The following MAP3K19 variants were observed in gnomAD, a reference collection of about 807,000 sequenced individuals.
The protein encoded by MAP3K19 is mitogen-activated protein kinase kinase kinase 19, also known as SPS1/STE20-related protein kinase YSK4.
In MAP3K19, 91 loss-of-function variants were observed where a neutral mutation model predicts 114.4. The observed-to-expected ratio is 0.80, with a 90% CI of 0.67 to 0.95. MAP3K19 has a LOEUF of 0.95. Ranked by LOEUF, MAP3K19 falls within the 40% of genes least tolerant of loss-of-function variation. MAP3K19 has a pLI of 0.00. For missense variants in MAP3K19, 1,471 were observed against 1,573.2 expected (o/e 0.94, Z 1.10); for synonymous variants, 518 against 530.5 (o/e 0.98, Z 0.32).
intron 12 of MAP3K19, among the ~76,000 whole-genome samples, chr2:134,979,906 A>T (rs552260234): frequency 7.2e-5 from 11 of 152,324 alleles, no homozygotes; most frequent in African/African-American, 2.6e-4. Context: ...TCTAAGATTT[A>T]TTCAGAAAGG....
At chr2:134,990,787 TTAA>T (rs1287118354) in intron 9 of MAP3K19, among the ~76,000 whole-genome samples, 3 of 152,206 alleles carry the variant, frequency 2.0e-5, no homozygotes, top group African/African-American at 7.2e-5. Context: ...TATGATTTTC[TTAA>T]TAACATTTTA....
intron 3 of MAP3K19, among the ~76,000 whole-genome samples, chr2:135,026,423 T>C (rs1259803397): frequency 6.6e-6 from 1 of 152,176 alleles, no homozygotes; most frequent in Non-Finnish European, 1.5e-5. Context: ...AAAATTCCCT[T>C]TTCATTCCAT....
Position 135,024,659 on chromosome 2 carries a change from A to G in MAP3K19, c.-12T>C. On this transcript the variant is annotated 5_prime_UTR_variant, in exon 4 of 13. Transcript: ENST00000392915. ...GGCATAGAACTCATTAAAATGTCCA[A>G]AAGCTGCTGTTTCTTTGAACTCTCT... is the stretch of plus-strand genomic sequence containing the variant. 1 of 1,612,996 alleles carries G rather than the reference A, an allele frequency of 6.2e-7. No homozygotes were observed. Among genetic ancestry groups the G allele is most frequent in the Non-Finnish European group, 8.5e-7 (1 of 1,179,138 alleles).
intron 4 of MAP3K19, among the ~76,000 whole-genome samples, chr2:135,023,899 A>G (rs1463683122): frequency 7.6e-6 from 1 of 131,944 alleles, no homozygotes; most frequent in African/African-American, 3.5e-5. Context: ...TGTTTTATTG[A>G]AAAAAAAAAG....
Position 134,999,005 on chromosome 2 carries a change from G to A in MAP3K19, c.315-8C>T, listed in dbSNP as rs917540804. ...AGCGATGAGTTTATCAGACTAAAGG[G>A]GGAGGGAAATGTTTGATTTAAAACT... is the stretch of plus-strand genomic sequence containing the variant. On this transcript the variant is annotated splice_region_variant and splice_polypyrimidine_tract_variant and intron_variant, in intron 7 of 12. Coordinates refer to ENST00000392915, the MANE Select transcript of MAP3K19 (RefSeq NM_025052.5). This position sits in a 1 kb window ranked among gnomAD's most constrained non-coding sequence, Gnocchi z 4.1. 1 of 1,604,908 alleles carries A rather than the reference G, an allele frequency of 6.2e-7. No individual in the cohort carries two copies. The highest frequency in any genetic ancestry group is 1.1e-5 in the South Asian group (1 of 89,366).
chr2:135,004,529 G>A lies in MAP3K19; in HGVS notation c.235+906C>T, dbSNP rs1056165788. Among the ~76,000 whole-genome samples, 6 of 152,284 alleles carry A rather than the reference G, an allele frequency of 3.9e-5. No homozygotes were observed. In the South Asian group the frequency reaches 8.3e-4, roughly 21 times the overall value. On this transcript the variant is annotated intron_variant, in intron 6 of 12. Transcript: ENST00000392915. ...GATGAGAAACACGGGCATCAAAGAG[G>A]GCGGCTTCCCTGGAGTGCTAGAAAT...
intron 10 of MAP3K19, among the ~76,000 whole-genome samples, chr2:134,985,456 A>G (rs1047484572): frequency 3.9e-5 from 6 of 152,330 alleles, no homozygotes; most frequent in Non-Finnish European, 7.3e-5. Context: ...GCCTATAATT[A>G]TGTATCTGCT....
At chr2:135,008,205 C>G (rs1392133677) in intron 5 of MAP3K19, among the ~76,000 whole-genome samples, 1 of 152,072 alleles carries the variant, frequency 6.6e-6, no homozygotes, top group African/African-American at 2.4e-5. Flanking sequence ...TCACTGCAAC[C>G]TCCACCTCCC....
chr2:134,999,898 C>T lies in MAP3K19; in HGVS notation c.314+39G>A. The T allele has an allele frequency of 2.2e-6, 3 of 1,347,808 alleles. No homozygotes were observed. The highest frequency in any genetic ancestry group is 3.2e-6 in the Non-Finnish European group (3 of 937,944). The allele number at this position is 1,347,808 out of a possible 1,614,324, so 83.5% of individuals were successfully genotyped here. ...GCCATATGACTATCATTGCTTCATA[C>T]TTCATTTCAAATCTGATACTTCAAA... On this transcript the variant is annotated intron_variant, in intron 7 of 12. Coordinates refer to ENST00000392915, the MANE Select transcript of MAP3K19 (RefSeq NM_025052.5). This position sits in a 1 kb window ranked among gnomAD's most constrained non-coding sequence, Gnocchi z 4.1.
chr2:134,982,210 C>T (rs1684728829), intron 11 of MAP3K19, among the ~76,000 whole-genome samples: 1 of 148,462 alleles, frequency 6.7e-6, no homozygotes, highest in African/African-American at 2.5e-5. Context: ...CCTCAAATTC[C>T]TGGGCTCAAG....
chr2:134,980,635 C>T (rs1032584117), intron 12 of MAP3K19, 186 bp downstream of exon 12: 21 of 604,846 alleles, frequency 3.5e-5, no homozygotes, highest in Non-Finnish European at 5.2e-5. Context: ...GCCTCCTATA[C>T]CCTGATACAA....
At position 135,014,356 on chromosome 2, in the gene MAP3K19, G is replaced by A. The variant is rs543303910; in HGVS notation, c.138+7359C>T. On this transcript the variant is annotated intron_variant, in intron 5 of 12. Transcript: ENST00000392915. ...AGCCTAGGTGACAGAGTGAGACCCTGTCTCCAAAAAAGAAGAAAAGAAAAA... is the reference window on the plus strand; with the variant it reads ...AGCCTAGGTGACAGAGTGAGACCCTATCTCCAAAAAAGAAGAAAAGAAAAA... Among the ~76,000 whole-genome samples the A allele has an allele frequency of 4.0e-5, 6 of 151,570 alleles. No individual in the cohort carries two copies. In the South Asian group the frequency reaches 1.3e-3, roughly 32 times the overall value.
intron 6 of MAP3K19, among the ~76,000 whole-genome samples, chr2:135,003,235 A>T (rs1686575959): frequency 6.6e-6 from 1 of 152,172 alleles, no homozygotes; most frequent in Admixed American, 6.5e-5. Context: ...TCTGCTATTT[A>T]AGCCCCCCAG....
chr2:135,029,314 T>C (rs1402520971), intron 3 of MAP3K19, among the ~76,000 whole-genome samples: 2 of 152,112 alleles, frequency 1.3e-5, no homozygotes, highest in African/African-American at 4.8e-5. Context: ...AGGTGGAGAT[T>C]GCAGTGAGCC....
In MAP3K19 at chr2:134,986,161, G is replaced by T. The variant is rs1408962620; in HGVS notation, c.2711C>A (p.Thr904Lys). Residue 904 changes from threonine to lysine, a missense_variant, in exon 10 of 13, where the codon ACA becomes AAA. By Grantham distance (78) the Thr-to-Lys change is moderately conservative (BLOSUM62 -1). Coordinates refer to ENST00000392915, the MANE Select transcript of MAP3K19 (RefSeq NM_025052.5). Reference protein sequence around the residue: ...DSVSDHSKTLTNFSFQAKQES... With the variant: ...DSVSDHSKTLKNFSFQAKQES... ...TTGTTTTGCTTGGAAAGAGAAATTT[G>T]TAAGTGTTTTAGAGTGATCTGAAAC... 4.3e-6 allele frequency: 7 copies of T among 1,613,782 alleles called. No individual in the cohort carries two copies. Among genetic ancestry groups the T allele is most frequent in the Admixed American group, 3.3e-5 (2 of 59,950 alleles).
chr2:135,040,735 C>A (rs991312135), intron 1 of MAP3K19, among the ~76,000 whole-genome samples: 3 of 152,092 alleles, frequency 2.0e-5, no homozygotes, highest in African/African-American at 7.2e-5. Flanking sequence ...AGGCTTGGTT[C>A]TTTGTGTACA....
chr2:135,002,232 T>C (rs955770836), intron 6 of MAP3K19, among the ~76,000 whole-genome samples: 2 of 152,218 alleles, frequency 1.3e-5, no homozygotes, highest in African/African-American at 4.8e-5. Flanking sequence ...GCCACGAATA[T>C]ATTTTCTTTA....
chr2:134,981,648 C>T, intron 11 of MAP3K19, 130 bp from the exon 12 acceptor site: 1 of 708,406 alleles, frequency 1.4e-6, no homozygotes, highest in East Asian at 2.7e-5. Flanking sequence ...TACCTCCCTT[C>T]CTAAATGCAA....
Position 134,991,537 on chromosome 2 carries a change from C to T in MAP3K19, c.618G>A (p.Lys206=). 1 of 1,613,312 alleles carries T rather than the reference C, an allele frequency of 6.2e-7. No individual in the cohort carries two copies. Among genetic ancestry groups the T allele is most frequent in the Non-Finnish European group, 8.5e-7 (1 of 1,179,288 alleles). The part of the protein sequence containing the change: ...SHMKYSGRSI[K]FLLPPLSLLP... ...TCAAAAATGCTAGCACTAATCTTAC[C>T]TTGATGCTTCGGCCACTGTACTTCA... Residue 206 remains lysine (K), a splice_region_variant and synonymous_variant, in exon 9 of 13, where the codon AAG becomes AAA. Coordinates refer to ENST00000392915, the MANE Select transcript of MAP3K19 (RefSeq NM_025052.5).
Sources: allele counts gnomAD v4.1 joint callset (sites outside exome capture counted in the v4.1 genomes callset), GRCh38; gene constraint gnomAD v4.1.1; non-coding constraint Gnocchi (gnomAD v3.1); transcripts MANE v1.5; gene names NCBI Gene and HGNC (gene_info 2026-07-23, HGNC 2026-07-21).